NFKBIB: variants seen among roughly 807,000 people sequenced by gnomAD.
NFKBIB encodes the protein NFKB inhibitor beta, also known as NF-kappa-B inhibitor beta.
In NFKBIB, 16 loss-of-function variants were observed where a neutral mutation model predicts 32.1. That is an observed-to-expected ratio of 0.50 (90% CI 0.34 to 0.76). The LOEUF (loss-of-function observed/expected upper bound fraction) is 0.76, where lower values mean the gene tolerates loss of function less well. Among genes scored for constraint, NFKBIB ranks in the 30% least tolerant of loss-of-function variants. NFKBIB has a pLI of 0.01. For missense variants in NFKBIB, 437 were observed against 514.9 expected (o/e 0.85, Z 1.46); for synonymous variants, 222 against 219.5 (o/e 1.01, Z -0.10).
chr19:38,907,518 C>G lies in NFKBIB; in HGVS notation c.828C>G (p.Thr276=). 1 of 1,612,668 alleles carries G rather than the reference C, an allele frequency of 6.2e-7. No homozygotes were observed. The highest frequency in any genetic ancestry group is 8.5e-7 in the Non-Finnish European group (1 of 1,179,782). ...NPAARMYGGR[T]PLGSAMLRPN... ...CTGCCCGCATGTACGGTGGCCGCAC[C>G]CCACTCGGCAGTGCCATGCTCCGGC... Residue 276 remains threonine, a synonymous_variant, in exon 5 of 6, where the codon ACC becomes ACG. Coordinates refer to ENST00000313582, the MANE Select transcript of NFKBIB (RefSeq NM_002503.5).
At chr19:38,908,094 T>C in intron 5 of NFKBIB, 4 of 1,027,508 alleles carry the variant, frequency 3.9e-6, no homozygotes, top group Non-Finnish European at 4.7e-6. Context: ...AACCCAGCAA[T>C]ACAGATCCGT....
chr19:38,901,140 T>C (rs1449810842), intron 1 of NFKBIB, among the ~76,000 whole-genome samples: 1 of 152,188 alleles, frequency 6.6e-6, no homozygotes, highest in Non-Finnish European at 1.5e-5. Context: ...TCTGTTGTGT[T>C]TACTGCTGTA....
intron 1 of NFKBIB, among the ~76,000 whole-genome samples, chr19:38,901,808 T>C (rs889841360): frequency 3.9e-5 from 6 of 152,242 alleles, no homozygotes; most frequent in Middle Eastern, 3.4e-3. Flanking sequence ...CTCAAACTCT[T>C]GAGCTCAAGC....
In NFKBIB at chr19:38,907,648, G is replaced by A. The variant is rs766612357; in HGVS notation, c.958G>A (p.Gly320Arg). The change falls in exon 5 of 6, where the codon GGA becomes AGA. Residue 320 changes from glycine (G) to arginine (R), a missense_variant. By Grantham distance (125) the Gly-to-Arg change is moderately radical. Coordinates refer to ENST00000313582, the MANE Select transcript of NFKBIB (RefSeq NM_002503.5). The stretch of plus-strand genomic sequence containing the variant: ...CAGCAGCAGTAGCGACAGCGACAGC[G>A]GAGACGAGGGCGTGAGTCAGGAGGA... Reference protein sequence around the residue: ...PCSSSSDSDSGDEGDEYDDIV... With the variant: ...PCSSSSDSDSRDEGDEYDDIV... 7.5e-5 allele frequency: 120 copies of A among 1,604,608 alleles called. No homozygotes were observed. The highest frequency in any genetic ancestry group is 9.5e-5 in the Non-Finnish European group (112 of 1,176,180).
intron 1 of NFKBIB, among the ~76,000 whole-genome samples, chr19:38,902,076 A>ATTTTATTT (rs1973982886): frequency 3.1e-5 from 2 of 64,062 alleles, no homozygotes; most frequent in East Asian, 2.1e-3. Flanking sequence ...AGTGTTTTTC[A>ATTTTATTT]TTTTATTTCT....
chr19:38,905,374 G>A lies in NFKBIB; in HGVS notation c.458G>A (p.Arg153His), dbSNP rs746674509. Reference protein sequence around the residue: ...ARALLQPRPRRPREAPDTYLA... With the variant: ...ARALLQPRPRHPREAPDTYLA... ...GCCCTGCTTCAGCCCCGCCCCCGGCGCCCCAGGGAAGCCCCCGACACCTAC... is the reference window on the plus strand; with the variant it reads ...GCCCTGCTTCAGCCCCGCCCCCGGCACCCCAGGGAAGCCCCCGACACCTAC... Residue 153 changes from arginine (R) to histidine (H), a missense_variant, in exon 3 of 6, where the codon CGC becomes CAC. Transcript: ENST00000313582. The surrounding 1 kb of genome is among the most constrained non-coding windows in gnomAD (Gnocchi z 5.5). 21 of 1,612,578 alleles carry A rather than the reference G, an allele frequency of 1.3e-5. 1 individual carries two copies. The highest frequency in any genetic ancestry group is 6.6e-5 in the South Asian group (6 of 91,040).
intron 1 of NFKBIB, among the ~76,000 whole-genome samples, chr19:38,904,578 T>G (rs1284914413): frequency 6.6e-6 from 1 of 152,124 alleles, no homozygotes; most frequent in African/African-American, 2.4e-5. Context: ...GCGCTCTGCT[T>G]GGATTCCCCT....
chr19:38,903,644 G>A (rs1269965013), intron 1 of NFKBIB, among the ~76,000 whole-genome samples: 2 of 152,094 alleles, frequency 1.3e-5, no homozygotes, highest in African/African-American at 2.4e-5. Flanking sequence ...TCATTTCTGG[G>A]TCAGTTTCAA....
chr19:38,899,968 A>G (rs112492606), upstream of NFKBIB: 602 of 1,420,504 alleles, frequency 4.2e-4, 1 homozygote, highest in Non-Finnish European at 5.0e-4. Flanking sequence ...CGGAAGCTCC[A>G]GAACTCCCGG....
chr19:38,908,194 C>T (rs533780978), intron 5 of NFKBIB: 26 of 992,646 alleles, frequency 2.6e-5, no homozygotes, highest in South Asian at 1.4e-4. Flanking sequence ...GCTCAGTTGC[C>T]GAAACTCTGG....
At chr19:38,906,130 CCTT>C (rs1974109493) in intron 3 of NFKBIB, among the ~76,000 whole-genome samples, 2 of 133,560 alleles carry the variant, frequency 1.5e-5, no homozygotes, top group African/African-American at 6.8e-5. Context: ...CTACTTGGTA[CCTT>C]TTTTTTTTTT....
intron 1 of NFKBIB, among the ~76,000 whole-genome samples, chr19:38,901,318 C>T (rs1262577415): frequency 3.3e-5 from 5 of 150,972 alleles, no homozygotes; most frequent in South Asian, 2.1e-4. Flanking sequence ...TTTTTTGAAA[C>T]GAAGTCTCAC....
At chr19:38,907,746 GACCTTGGGCTGCTGTTAGAGAA>G in intron 5 of NFKBIB, 87 bp downstream of exon 5, 1 of 1,466,914 alleles carries the variant, frequency 6.8e-7, no homozygotes, top group Admixed American at 2.5e-5. Context: ...ATTAGGCACC[GACCTTGGGCTGCTGTTAGAGAA>G]CTCAGGCAGC....
In NFKBIB at chr19:38,908,425, G is replaced by T. The variant is rs1398728688; in HGVS notation, c.970-306G>T. 4 of 843,106 alleles carry T rather than the reference G, an allele frequency of 4.7e-6. No homozygotes were observed. The African/African-American group carries it at 7.1e-5, about 15-fold the overall frequency. The allele number at this position is 843,106 out of a possible 1,614,324, so 52.2% of individuals were successfully genotyped here. ...GTGGTGGCGCATGCCTATAATCCCA[G>T]CTACTTGGGAGGCTGAGGTAGGAGA... On this transcript the variant is annotated intron_variant, in intron 5 of 5. Transcript: ENST00000313582.
rs184913601 is a variant in NFKBIB at position 38,905,884 on chromosome 19, C to T, written c.619+349C>T. 1.0e-3 allele frequency among the ~76,000 whole-genome samples: 153 copies of T among 152,260 alleles called. No homozygotes were observed. The highest frequency in any genetic ancestry group is 3.4e-3 in the Middle Eastern group (1 of 294). The stretch of plus-strand genomic sequence containing the variant: ...GACCGGGGAATGCAGAGCTCAGGCC[C>T]TCTGTGAAACTCTGGCACCCCAGGC... On this transcript the variant is annotated intron_variant, in intron 3 of 5. Coordinates refer to ENST00000313582, the MANE Select transcript of NFKBIB (RefSeq NM_002503.5). The surrounding 1 kb of genome is among the most constrained non-coding windows in gnomAD (Gnocchi z 5.5).
chr19:38,900,348 C>T (rs1380740438), intron 1 of NFKBIB, 137 bp downstream of exon 1: 1 of 941,544 alleles, frequency 1.1e-6, no homozygotes, highest in Middle Eastern at 2.4e-4. Flanking sequence ...CCTCTAACCC[C>T]CGAGTCCTAA....
intron 1 of NFKBIB, 134 bp downstream of exon 1, chr19:38,900,345 C>G (rs982182778): frequency 3.1e-6 from 3 of 953,042 alleles, no homozygotes; most frequent in Non-Finnish European, 4.4e-6. Flanking sequence ...TGACCTCTAA[C>G]CCCCGAGTCC....
rs866390734 is a variant in NFKBIB, at chr19:38,907,514, G to A, written c.824G>A (p.Arg275His). 8 of 1,612,416 alleles carry A rather than the reference G, an allele frequency of 5.0e-6. No homozygotes were observed. Among genetic ancestry groups the A allele is most frequent in the Non-Finnish European group, 6.8e-6 (8 of 1,179,762 alleles). ...CCTGCTGCCCGCATGTACGGTGGCC[G>A]CACCCCACTCGGCAGTGCCATGCTC... is the stretch of plus-strand genomic sequence containing the variant. ...ANPAARMYGG[R>H]TPLGSAMLRP... Residue 275 changes from arginine to histidine, a missense_variant, in exon 5 of 6, where the codon CGC (arginine) becomes CAC (histidine). By Grantham distance (29) the Arg-to-His change is conservative (BLOSUM62 0). Coordinates refer to ENST00000313582, the MANE Select transcript of NFKBIB (RefSeq NM_002503.5).
rs1255518459 is a variant in NFKBIB at position 38,905,966 on chromosome 19, G to T, written c.619+431G>T. ...GCCCTCCTCAGCCTCATGGGAAGAA[G>T]GGCTCATCTGCCCACAGCCCTGACA... On this transcript the variant is annotated intron_variant, in intron 3 of 5. Transcript: ENST00000313582. The surrounding 1 kb of genome is among the most constrained non-coding windows in gnomAD (Gnocchi z 5.5). 6.6e-6 allele frequency among the ~76,000 whole-genome samples: 1 copy of T among 152,018 alleles called. No homozygotes were observed. Among genetic ancestry groups the T allele is most frequent in the Non-Finnish European group, 1.5e-5 (1 of 68,006 alleles).
Sources: gnomAD v4.1 joint callset for allele counts (sites outside exome capture counted in the v4.1 genomes callset) on GRCh38, gnomAD v4.1.1 for gene constraint, Gnocchi (gnomAD v3.1) non-coding constraint, MANE v1.5 for transcripts, NCBI Gene and HGNC (gene_info 2026-07-23, HGNC 2026-07-21) for gene names.